Variants in MINDY2 observed in about 807,000 individuals in gnomAD.
MINDY2 encodes ubiquitin carboxyl-terminal hydrolase MINDY-2.
Under a neutral mutation model 68.2 loss-of-function variants are expected in MINDY2, and 52 were observed. That is an observed-to-expected ratio of 0.76 (90% CI 0.61 to 0.96). The LOEUF (loss-of-function observed/expected upper bound fraction) is 0.96, where lower values mean the gene tolerates loss of function less well. Ranked by LOEUF, MINDY2 falls within the 40% of genes least tolerant of loss-of-function variation. The pLI, the probability that MINDY2 is intolerant of heterozygous loss-of-function variation, is 0.00. For synonymous variants in MINDY2, 372 were observed against 303.0 expected (o/e 1.23, Z -2.36); for missense variants, 881 against 773.4 (o/e 1.14, Z -1.65).
chr15:58,791,557 C>A (rs1335933911), intron 2 of MINDY2, among the ~76,000 whole-genome samples: 1 of 149,958 alleles, frequency 6.7e-6, no homozygotes, highest in Non-Finnish European at 1.5e-5. Flanking sequence ...CCAGAGGCTG[C>A]AGTGAGCCAA....
At chr15:58,800,359 C>G (rs1311249626) in intron 2 of MINDY2, among the ~76,000 whole-genome samples, 3 of 152,080 alleles carry the variant, frequency 2.0e-5, no homozygotes, top group African/African-American at 7.2e-5. Flanking sequence ...TGTACTTTTC[C>G]TAAAGCATCA....
intron 6 of MINDY2, among the ~76,000 whole-genome samples, chr15:58,843,128 G>A (rs1294029209): frequency 6.6e-6 from 1 of 152,138 alleles, no homozygotes; most frequent in Non-Finnish European, 1.5e-5. Context: ...GTCTAGAGAT[G>A]TTAAGTAATT....
Position 58,847,469 on chromosome 15 carries a change from A to G in MINDY2, c.1541A>G (p.Gln514Arg). 6.5e-7 allele frequency: 1 copy of G among 1,532,290 alleles called. No individual in the cohort carries two copies. Among genetic ancestry groups the G allele is most frequent in the Non-Finnish European group, 8.9e-7 (1 of 1,123,704 alleles). The allele number at this position is 1,532,290 out of a possible 1,614,324, so 94.9% of individuals were successfully genotyped here. A position where few individuals can be genotyped will look rare whatever the true frequency, so the allele number is the denominator to read the frequency against. The change falls in exon 7 of 9, where the codon CAG becomes CGG. Residue 514 changes from glutamine to arginine, a missense_variant and splice_region_variant. Physicochemically the swap from Gln to Arg is conservative, Grantham distance 43 (BLOSUM62 1). Transcript: ENST00000559228. ...AAAGGACAACAAGATCAGATAGATC[A>G]GGTAAATTTGTATTGTCGTCTTTAT... ...VYKGQQDQID[Q>R]DYLMALSLQQ...
intron 6 of MINDY2, among the ~76,000 whole-genome samples, chr15:58,846,296 A>G (rs763442331): frequency 7.9e-5 from 12 of 152,156 alleles, no homozygotes; most frequent in Non-Finnish European, 1.3e-4. Flanking sequence ...GCATGCCTGT[A>G]TCAAAATACC....
chr15:58,827,564 T>C (rs1452813812), intron 5 of MINDY2, among the ~76,000 whole-genome samples: 2 of 152,090 alleles, frequency 1.3e-5, no homozygotes, highest in Non-Finnish European at 1.5e-5. Flanking sequence ...TCCGGGTTCA[T>C]GCCGTTCTCT....
At chr15:58,801,380 T>TAAAAAAA (rs1188514448) in intron 2 of MINDY2, among the ~76,000 whole-genome samples, 2 of 22,588 alleles carry the variant, frequency 8.9e-5, no homozygotes, top group Non-Finnish European at 1.7e-4. Context: ...CCCCATCTCT[T>TAAAAAAA]AAAAAAAAAA....
At position 58,771,404 on chromosome 15, in the gene MINDY2, C is replaced by A; in HGVS notation, c.9C>A (p.Ser3Arg). ...GGGGCGGGCGGCCCGGTATGGAGAG[C>A]AGCCCCGAGAGCCTGCAGCCGCTAG... ME[S>R]SPESLQPLEH... Residue 3 changes from serine to arginine, a missense_variant, in exon 1 of 9, where the codon AGC (serine) becomes AGA (arginine). Physicochemically the swap from Ser to Arg is moderately radical, Grantham distance 110. Coordinates refer to ENST00000559228, the MANE Select transcript of MINDY2 (RefSeq NM_001040450.3). 6.2e-7 allele frequency: 1 copy of A among 1,608,516 alleles called. No individual in the cohort carries two copies. The highest frequency in any genetic ancestry group is 8.5e-7 in the Non-Finnish European group (1 of 1,178,442).
Position 58,782,923 on chromosome 15 carries a change from T to G in MINDY2, c.841-4983T>G, listed in dbSNP as rs868710776. ...ATTTTTTCTCTCTGTTTTTTTTTTTTTTTTTTTTTTTTTTGAGACAGAGTC... is the reference window on the plus strand; with the variant it reads ...ATTTTTTCTCTCTGTTTTTTTTTTTGTTTTTTTTTTTTTTGAGACAGAGTC... On this transcript the variant is annotated intron_variant, in intron 1 of 8. Transcript: ENST00000559228. 3.5e-3 allele frequency among the ~76,000 whole-genome samples: 426 copies of G among 122,492 alleles called. 5 individuals carry two copies. Among genetic ancestry groups the G allele is most frequent in the African/African-American group, 0.012 (407 of 34,044 alleles). The allele number at this position is 122,492 out of a possible 152,430, so 80.4% of individuals were successfully genotyped here. A position where few individuals can be genotyped will look rare whatever the true frequency, so the allele number is the denominator to read the frequency against.
chr15:58,814,055 G>T (rs1168007467), intron 4 of MINDY2, among the ~76,000 whole-genome samples: 1 of 148,038 alleles, frequency 6.8e-6, no homozygotes, highest in East Asian at 2.0e-4. Flanking sequence ...CTCCTGCCTC[G>T]ACCTCCCGAG....
At chr15:58,793,618 A>G (rs1902081257) in intron 2 of MINDY2, among the ~76,000 whole-genome samples, 1 of 152,232 alleles carries the variant, frequency 6.6e-6, no homozygotes, top group Non-Finnish European at 1.5e-5. Context: ...AGAGAAAACT[A>G]GAGAAAGGGA....
chr15:58,852,104 T>G, intron 8 of MINDY2, 139 bp downstream of exon 8: 1 of 553,462 alleles, frequency 1.8e-6, no homozygotes, highest in Admixed American at 3.5e-5. Flanking sequence ...CTGGCCAACA[T>G]GGCAAAACCC....
intron 2 of MINDY2, chr15:58,796,018 G>A (rs1902259434): frequency 2.2e-6 from 1 of 449,244 alleles, no homozygotes; most frequent in Admixed American, 2.4e-5. Context: ...TTGGCAGTGT[G>A]GTTATTGTGA....
intron 1 of MINDY2, among the ~76,000 whole-genome samples, chr15:58,773,036 A>G (rs1900542427): frequency 6.6e-6 from 1 of 152,178 alleles, no homozygotes; most frequent in South Asian, 2.1e-4. Context: ...GAAGTGTCTC[A>G]TTTAAGCTTG....
At chr15:58,792,143 A>C (rs1365174387) in intron 2 of MINDY2, among the ~76,000 whole-genome samples, 1 of 152,210 alleles carries the variant, frequency 6.6e-6, no homozygotes, top group Admixed American at 6.5e-5. Flanking sequence ...GAAACAAGAA[A>C]AAACTGGAAA....
intron 5 of MINDY2, among the ~76,000 whole-genome samples, chr15:58,831,267 A>G (rs117015397): frequency 6.6e-6 from 1 of 152,226 alleles, no homozygotes; most frequent in Non-Finnish European, 1.5e-5. Flanking sequence ...TTAGTTTTAA[A>G]GCAAGAATTG....
At chr15:58,801,540 T>C (rs1350490896) in intron 2 of MINDY2, among the ~76,000 whole-genome samples, 4 of 152,100 alleles carry the variant, frequency 2.6e-5, no homozygotes, top group African/African-American at 9.7e-5. Flanking sequence ...GTACTACATA[T>C]ATTTAAAAGT....
At position 58,861,335 on chromosome 15, in the gene MINDY2, G is replaced by A. The variant is rs1320225710; in HGVS notation, c.*6725G>A. On this transcript the variant is annotated 3_prime_UTR_variant, in exon 9 of 9. Transcript: ENST00000559228. ...AGACTGGCTACTGAGTTCTCAAAGCGTTTTAATATATAGATTACGTATGAG... is the reference window on the plus strand; with the variant it reads ...AGACTGGCTACTGAGTTCTCAAAGCATTTTAATATATAGATTACGTATGAG... The A allele has an allele frequency of 6.6e-6, 1 of 152,120 alleles. No homozygotes were observed. The highest frequency in any genetic ancestry group is 2.4e-5 in the African/African-American group (1 of 41,420). The allele number at this position is 152,120 out of a possible 1,614,324, so 9.4% of individuals were successfully genotyped here. A position where few individuals can be genotyped will look rare whatever the true frequency, so the allele number is the denominator to read the frequency against.
intron 2 of MINDY2, among the ~76,000 whole-genome samples, chr15:58,791,622 A>ATGTGTGTGTGTGTGTGTG (rs368688031): frequency 1.3e-4 from 18 of 136,722 alleles, no homozygotes; most frequent in East Asian, 2.1e-4. Flanking sequence ...GTCTCAAAAT[A>ATGTGTGTGTGTGTGTGTG]TGTGTGTGTG....
chr15:58,774,702 G>C (rs1378959445), intron 1 of MINDY2, among the ~76,000 whole-genome samples: 3 of 152,116 alleles, frequency 2.0e-5, no homozygotes, highest in Non-Finnish European at 4.4e-5. Context: ...CTGTGAACTA[G>C]ATCCAAAGGA....
Sources: gnomAD v4.1 joint callset for allele counts (sites outside exome capture counted in the v4.1 genomes callset) on GRCh38, gnomAD v4.1.1 for gene constraint, MANE v1.5 for transcripts, NCBI Gene and HGNC (gene_info 2026-07-23, HGNC 2026-07-21) for gene names.